SGCZ: variants seen among roughly 807,000 people sequenced by gnomAD.
SGCZ encodes the protein zeta-sarcoglycan.
SGCZ carries 40 observed loss-of-function variants against 41.3 expected under a neutral mutation model. The ratio of observed to expected loss-of-function variants is 0.97; its 90% confidence interval spans 0.75 to 1.26. The LOEUF is 1.26. Among genes scored for constraint, SGCZ ranks in the 50% most tolerant of loss-of-function variants. SGCZ has a pLI of 0.00. For missense variants in SGCZ, 552 were observed against 369.8 expected, an observed-to-expected ratio of 1.49 and a Z score of -4.04; for synonymous variants, 206 against 137.5, an observed-to-expected ratio of 1.50 and a Z score of -3.49.
chr8:14,914,176 T>A (rs533560403), intron 1 of SGCZ, among the ~76,000 whole-genome samples: 5 of 151,988 alleles, frequency 3.3e-5, no homozygotes, highest in African/African-American at 9.6e-5. Flanking sequence ...TATATCTCTA[T>A]ATATAAAATA....
At chr8:15,203,918 C>T (rs1800976719) in intron 1 of SGCZ, among the ~76,000 whole-genome samples, 1 of 152,152 alleles carries the variant, frequency 6.6e-6, no homozygotes, top group South Asian at 2.1e-4. Flanking sequence ...ATAGCTTTTG[C>T]CTCAAAACTA....
At chr8:14,809,618 C>T (rs1801678371) in intron 1 of SGCZ, among the ~76,000 whole-genome samples, 1 of 152,116 alleles carries the variant, frequency 6.6e-6, no homozygotes, top group South Asian at 2.1e-4. Context: ...AGAACAAATA[C>T]TAGACCCTCA....
chr8:15,145,835 G>A (rs143340081), intron 1 of SGCZ, among the ~76,000 whole-genome samples: 76 of 152,172 alleles, frequency 5.0e-4, no homozygotes, highest in Non-Finnish European at 8.8e-4. Flanking sequence ...AAAAGAAAAT[G>A]GCACAGAAAT....
At chr8:14,552,804 AT>A (rs1352622144) in intron 2 of SGCZ, among the ~76,000 whole-genome samples, 1 of 151,992 alleles carries the variant, frequency 6.6e-6, no homozygotes, top group Non-Finnish European at 1.5e-5. Flanking sequence ...ATTTAAGTAT[AT>A]TTTCCTAATT....
At chr8:14,502,735 C>T (rs1234211483) in intron 2 of SGCZ, among the ~76,000 whole-genome samples, 1 of 152,084 alleles carries the variant, frequency 6.6e-6, no homozygotes, top group African/African-American at 2.4e-5. Flanking sequence ...AAATGCAAGT[C>T]AAAACCAAAA....
intron 1 of SGCZ, among the ~76,000 whole-genome samples, chr8:14,820,835 TC>T: frequency 6.7e-6 from 1 of 149,372 alleles, no homozygotes. Flanking sequence ...GCAAAAGCAT[TC>T]CTAAGAGGGA....
chr8:14,209,414 G>A (rs1419021043), intron 4 of SGCZ, among the ~76,000 whole-genome samples: 2 of 151,832 alleles, frequency 1.3e-5, no homozygotes, highest in Non-Finnish European at 2.9e-5. Context: ...TAATTTTCTT[G>A]GTGTGAGACA....
intron 1 of SGCZ, among the ~76,000 whole-genome samples, chr8:15,051,691 A>G (rs1195027708): frequency 6.6e-6 from 1 of 152,094 alleles, no homozygotes; most frequent in Non-Finnish European, 1.5e-5. Flanking sequence ...AAATTTAGCT[A>G]TCACCCTGAC....
intron 3 of SGCZ, among the ~76,000 whole-genome samples, chr8:14,248,228 T>C (rs541419963): frequency 1.4e-4 from 21 of 152,318 alleles, no homozygotes; most frequent in Admixed American, 3.9e-4. Context: ...ATAGTTCATT[T>C]CTGTAGTATT....
rs562985470 is a variant in SGCZ at position 15,148,227 on chromosome 8, ACT to A, written c.39+89356_39+89357del. 2.0e-5 allele frequency among the ~76,000 whole-genome samples: 3 copies of A among 152,138 alleles called. No individual in the cohort carries two copies. In the South Asian group the frequency reaches 6.2e-4, roughly 32 times the overall value. ...TTTAATTAAGTGAAGAAAACAATTC[ACT>A]CTCTCTTGGATGATGTGAGTCAATA... is the stretch of plus-strand genomic sequence containing the variant. On this transcript the variant is annotated intron_variant, in intron 1 of 7. Coordinates refer to ENST00000382080, the MANE Select transcript of SGCZ (RefSeq NM_139167.4).
chr8:14,251,988 G>A (rs1454142554), intron 3 of SGCZ, among the ~76,000 whole-genome samples: 1 of 152,074 alleles, frequency 6.6e-6, no homozygotes, highest in Non-Finnish European at 1.5e-5. Context: ...GGGATTACAG[G>A]CGTGAGCCAC....
intron 1 of SGCZ, among the ~76,000 whole-genome samples, chr8:15,187,468 G>A (rs557986201): frequency 6.6e-5 from 10 of 152,118 alleles, no homozygotes; most frequent in African/African-American, 2.2e-4. Flanking sequence ...GTTATAATAC[G>A]AAATTAAATT....
intron 1 of SGCZ, among the ~76,000 whole-genome samples, chr8:14,769,429 G>A (rs1489622572): frequency 6.6e-6 from 1 of 152,182 alleles, no homozygotes; most frequent in Non-Finnish European, 1.5e-5. Context: ...AACATGAGAT[G>A]TTAAATTTGA....
At chr8:15,140,723 C>T (rs1257418252) in intron 1 of SGCZ, among the ~76,000 whole-genome samples, 1 of 152,150 alleles carries the variant, frequency 6.6e-6, no homozygotes, top group African/African-American at 2.4e-5. Flanking sequence ...ATTCAGAGAG[C>T]TTTCTTTTTA....
intron 1 of SGCZ, among the ~76,000 whole-genome samples, chr8:15,074,355 G>C (rs58177496): frequency 0.11 from 16,651 of 152,164 alleles, 1,127 homozygotes; most frequent in East Asian, 0.28. Flanking sequence ...GCAGCTGGCA[G>C]TATGAGCTTT....
chr8:14,095,395 G>A (rs1043884720), intron 7 of SGCZ, among the ~76,000 whole-genome samples: 6 of 152,152 alleles, frequency 3.9e-5, no homozygotes, highest in African/African-American at 1.4e-4. Flanking sequence ...TTTTCCCATT[G>A]CTTGTTTTTG....
At chr8:14,607,522 T>G (rs4240171) in intron 1 of SGCZ, among the ~76,000 whole-genome samples, 1 of 152,004 alleles carries the variant, frequency 6.6e-6, no homozygotes. Context: ...CATTGATTCT[T>G]CATAACATTT....
intron 4 of SGCZ, among the ~76,000 whole-genome samples, chr8:14,205,938 A>G (rs1805599941): frequency 6.6e-6 from 1 of 152,126 alleles, no homozygotes; most frequent in South Asian, 2.1e-4. Flanking sequence ...TTACATAGAA[A>G]TAATTCGAGT....
intron 3 of SGCZ, among the ~76,000 whole-genome samples, chr8:14,268,085 C>A (rs1200259192): frequency 2.1e-3 from 1 of 474 alleles, no homozygotes; most frequent in South Asian, 0.12. Flanking sequence ...GTTTATATTT[C>A]TGCAAATTTG....
Sources: allele counts gnomAD v4.1 joint callset (sites outside exome capture counted in the v4.1 genomes callset), GRCh38; gene constraint gnomAD v4.1.1; transcripts MANE v1.5; gene names NCBI Gene and HGNC (gene_info 2026-07-23, HGNC 2026-07-21).